Variants in CDH9 observed in about 807,000 individuals in gnomAD.
The protein encoded by CDH9 is cadherin 9, also known as cadherin-9.
CDH9 carries 28 observed loss-of-function variants against 70.9 expected under a neutral mutation model. The observed-to-expected ratio is 0.40, with a 90% CI of 0.29 to 0.54. CDH9 has a LOEUF of 0.54. CDH9 is among the 20% of genes least tolerant of loss of function. The pLI is 0.59. For synonymous variants in CDH9, 409 were observed against 343.1 expected (o/e 1.19, Z -2.12); for missense variants, 874 against 984.4 (o/e 0.89, Z 1.50).
chr5:26,956,995 C>T (rs1333723693), intron 2 of CDH9, among the ~76,000 whole-genome samples: 1 of 105,524 alleles, frequency 9.5e-6, no homozygotes, highest in Non-Finnish European at 1.9e-5. Flanking sequence ...AGTTGTCTTT[C>T]CATGTGCTTT....
chr5:26,904,930 A>G (rs1740919176), intron 5 of CDH9, among the ~76,000 whole-genome samples: 1 of 152,102 alleles, frequency 6.6e-6, no homozygotes, highest in Admixed American at 6.6e-5. Context: ...ACAGAATGTC[A>G]AGGCATTAAA....
chr5:26,932,507 A>T (rs1304399363), intron 2 of CDH9, among the ~76,000 whole-genome samples: 1 of 152,118 alleles, frequency 6.6e-6, no homozygotes, highest in Non-Finnish European at 1.5e-5. Flanking sequence ...CATGTTAAGA[A>T]TTGTTGTTTA....
At chr5:26,997,324 C>T (rs982526966) in intron 1 of CDH9, among the ~76,000 whole-genome samples, 1 of 151,620 alleles carries the variant, frequency 6.6e-6, no homozygotes, top group African/African-American at 2.4e-5. Context: ...AAAGGATAAA[C>T]GTAAGCAATT....
intron 1 of CDH9, among the ~76,000 whole-genome samples, chr5:26,997,548 T>G (rs1742687669): frequency 6.6e-6 from 1 of 152,154 alleles, no homozygotes; most frequent in Admixed American, 6.6e-5. Context: ...AACATATACC[T>G]TATGAGCAAA....
intron 2 of CDH9, among the ~76,000 whole-genome samples, chr5:26,986,593 G>A (rs987174195): frequency 6.6e-6 from 1 of 152,088 alleles, no homozygotes; most frequent in Non-Finnish European, 1.5e-5. Context: ...TTAGGATTAT[G>A]AGCGACTCTT....
chr5:26,944,100 C>G (rs1425146904), intron 2 of CDH9, among the ~76,000 whole-genome samples: 2 of 152,020 alleles, frequency 1.3e-5, no homozygotes, highest in African/African-American at 4.8e-5. Context: ...TATTATGGTA[C>G]ATTTTTTTCT....
intron 2 of CDH9, among the ~76,000 whole-genome samples, chr5:26,966,947 T>C (rs2112068512): frequency 6.6e-6 from 1 of 152,172 alleles, no homozygotes; most frequent in Middle Eastern, 3.4e-3. Flanking sequence ...TATTTATTCA[T>C]TTTGTGACAG....
intron 2 of CDH9, among the ~76,000 whole-genome samples, chr5:26,961,411 C>A (rs533669706): frequency 6.6e-6 from 1 of 152,206 alleles, no homozygotes; most frequent in East Asian, 1.9e-4. Context: ...AATCACCCCT[C>A]AATGGTTATA....
intron 1 of CDH9, among the ~76,000 whole-genome samples, chr5:27,022,123 G>A (rs1561043790): frequency 6.6e-6 from 1 of 151,846 alleles, no homozygotes; most frequent in African/African-American, 2.4e-5. Flanking sequence ...TTTCTGATGC[G>A]TCTAGTATCT....
intron 2 of CDH9, among the ~76,000 whole-genome samples, chr5:26,986,044 T>C (rs1480077971): frequency 6.7e-6 from 1 of 149,486 alleles, no homozygotes; most frequent in Non-Finnish European, 1.5e-5. Context: ...GGTAATGGAA[T>C]ATCTTAGATA....
At chr5:26,925,733 G>A (rs1741325448) in intron 2 of CDH9, among the ~76,000 whole-genome samples, 1 of 152,072 alleles carries the variant, frequency 6.6e-6, no homozygotes, top group South Asian at 2.1e-4. Flanking sequence ...TGTATAAGGT[G>A]TAAGGAAGGG....
At chr5:27,019,608 G>A (rs137882754) in intron 1 of CDH9, among the ~76,000 whole-genome samples, 1 of 151,604 alleles carries the variant, frequency 6.6e-6, no homozygotes, top group African/African-American at 2.4e-5. Flanking sequence ...TCAAGCTCAT[G>A]GTAAAGCTTT....
At position 26,999,504 on chromosome 5, in the gene CDH9, G is replaced by C. The variant is rs574538718; in HGVS notation, c.-49-11122C>G. 3.3e-5 allele frequency among the ~76,000 whole-genome samples: 5 copies of C among 152,258 alleles called. No homozygotes were observed. In the East Asian group the frequency reaches 9.7e-4, roughly 29 times the overall value. On this transcript the variant is annotated intron_variant, in intron 1 of 11. Coordinates refer to ENST00000231021, the MANE Select transcript of CDH9 (RefSeq NM_016279.4). ...CTTGCTATGTAGGTACAGTAATCAT[G>C]ATAGCATGGTATTGCAGAAAGAACA...
chr5:26,881,098 A>T lies in CDH9; in HGVS notation c.*38T>A, dbSNP rs200994727. 5.4e-5 allele frequency: 83 copies of T among 1,537,222 alleles called. No individual in the cohort carries two copies. In the African/African-American group the frequency reaches 1.0e-3, roughly 19 times the overall value. ...GGCCACTCAATCTAATAACATAGAC[A>T]GTACTTCCACTAATATTGATTAAGT... is the stretch of plus-strand genomic sequence containing the variant. On this transcript the variant is annotated 3_prime_UTR_variant, in exon 12 of 12. Coordinates refer to ENST00000231021, the MANE Select transcript of CDH9 (RefSeq NM_016279.4).
intron 2 of CDH9, among the ~76,000 whole-genome samples, chr5:26,983,597 G>A (rs775726479): frequency 1.3e-5 from 2 of 152,062 alleles, no homozygotes; most frequent in Non-Finnish European, 2.9e-5. Context: ...TTTAATTTTT[G>A]TGTGTGTTCT....
At chr5:27,012,616 G>C (rs1742978042) in intron 1 of CDH9, among the ~76,000 whole-genome samples, 1 of 151,804 alleles carries the variant, frequency 6.6e-6, no homozygotes, top group Non-Finnish European at 1.5e-5. Flanking sequence ...CATCATAATG[G>C]ATCTACAGAT....
intron 1 of CDH9, chr5:27,028,151 G>C (rs1311711665): frequency 1.3e-5 from 2 of 152,026 alleles, no homozygotes; most frequent in African/African-American, 4.8e-5. Flanking sequence ...AGCTGAAGTG[G>C]ACAGATCACT....
chr5:26,884,955 T>C (rs1330801121), intron 11 of CDH9, among the ~76,000 whole-genome samples: 1 of 152,146 alleles, frequency 6.6e-6, no homozygotes, highest in Admixed American at 6.6e-5. Flanking sequence ...CACAGCGACA[T>C]AGTGATATTT....
chr5:26,976,202 T>C (rs1212670416), intron 2 of CDH9, among the ~76,000 whole-genome samples: 1 of 152,172 alleles, frequency 6.6e-6, no homozygotes, highest in Non-Finnish European at 1.5e-5. Flanking sequence ...GGGCAAGTTC[T>C]AGACGTAATG....
Sources: allele counts gnomAD v4.1 joint callset (sites outside exome capture counted in the v4.1 genomes callset), GRCh38; gene constraint gnomAD v4.1.1; transcripts MANE v1.5; gene names NCBI Gene and HGNC (gene_info 2026-07-23, HGNC 2026-07-21).